Variants in INTS9 observed in about 807,000 individuals in gnomAD.
INTS9 encodes protein related to CPSF subunits of 74 kDa.
Under a neutral mutation model 79.7 loss-of-function variants are expected in INTS9, and 55 were observed. That is an observed-to-expected ratio of 0.69 (90% CI 0.56 to 0.86). INTS9 has a LOEUF of 0.86. INTS9 is among the 40% of genes least tolerant of loss of function. The pLI, the probability that INTS9 is intolerant of heterozygous loss-of-function variation, is 0.00. For missense variants in INTS9, 721 were observed against 831.5 expected, an observed-to-expected ratio of 0.87 and a Z score of 1.64; for synonymous variants, 319 against 325.2, an observed-to-expected ratio of 0.98 and a Z score of 0.20.
chr8:28,775,846 G>A lies in INTS9; in HGVS notation c.1476C>T (p.Cys492=), dbSNP rs746047822. Residue 492 remains cysteine (C), a synonymous_variant, in exon 14 of 17, where the codon TGC becomes TGT. Transcript: ENST00000521022. ...QSHRMDLMID[C]QPPAMSYRRA... ...GCCGATAGGACATGGCGGGGGGCTGGCAGTCGATCATGAGGTCCATCCTGT... is the reference window on the plus strand; with the variant it reads ...GCCGATAGGACATGGCGGGGGGCTGACAGTCGATCATGAGGTCCATCCTGT... The A allele has an allele frequency of 1.4e-5, 23 of 1,613,508 alleles. No homozygotes were observed. Among genetic ancestry groups the A allele is most frequent in the Middle Eastern group, 1.7e-4 (1 of 6,058 alleles).
chr8:28,818,400 T>C (rs1394069436), intron 6 of INTS9, among the ~76,000 whole-genome samples: 9 of 150,598 alleles, frequency 6.0e-5, no homozygotes, highest in African/African-American at 1.9e-4. Flanking sequence ...TCTGCATCTA[T>C]TGAGATAATC....
chr8:28,882,532 T>TAAAA (rs369293166), intron 1 of INTS9, among the ~76,000 whole-genome samples: 3 of 63,300 alleles, frequency 4.7e-5, no homozygotes, highest in African/African-American at 6.9e-5. Flanking sequence ...TATTAACAGC[T>TAAAA]AAAAAAAAAA....
intron 8 of INTS9, among the ~76,000 whole-genome samples, chr8:28,797,560 G>A (rs1261408690): frequency 6.6e-6 from 1 of 152,170 alleles, no homozygotes; most frequent in East Asian, 1.9e-4. Flanking sequence ...TTCTTAGGAT[G>A]CTGTGTTTTT....
intron 1 of INTS9, among the ~76,000 whole-genome samples, chr8:28,886,462 G>T (rs1264142077): frequency 6.6e-6 from 1 of 152,110 alleles, no homozygotes; most frequent in Non-Finnish European, 1.5e-5. Context: ...GCTCAGGCTG[G>T]TCTAGAACTC....
intron 14 of INTS9, among the ~76,000 whole-genome samples, chr8:28,773,582 C>T (rs1429734104): frequency 1.3e-5 from 2 of 149,368 alleles, no homozygotes; most frequent in East Asian, 2.0e-4. Flanking sequence ...GACGGAGTCT[C>T]GCTATGTTGC....
At position 28,861,500 on chromosome 8, in the gene INTS9, T is replaced by C. The variant is rs142372726; in HGVS notation, c.10-1937A>G. ...AATAAAATGAAATGTGTGTAACAGT[T>C]ATTTCTGAGTGGGAAGATTATTGTC... On this transcript the variant is annotated intron_variant, in intron 1 of 16. Transcript: ENST00000521022. Among the ~76,000 whole-genome samples, 480 of 152,366 alleles carry C rather than the reference T, an allele frequency of 3.2e-3. 1 individual carries two copies. Among genetic ancestry groups the C allele is most frequent in the African/African-American group, 0.011 (461 of 41,588 alleles).
At chr8:28,789,947 C>G (rs1277378006) in intron 10 of INTS9, among the ~76,000 whole-genome samples, 1 of 152,160 alleles carries the variant, frequency 6.6e-6, no homozygotes, top group Non-Finnish European at 1.5e-5. Flanking sequence ...TCAGAGAGGT[C>G]TTTCAAGAGC....
At position 28,820,251 on chromosome 8, in the gene INTS9, T is replaced by C. The variant is rs541268898; in HGVS notation, c.489-6639A>G. Reference sequence around the variant, plus strand: ...TGATGCAGTTTCTTCCTAGCCTTGATGGTCTTTACAATTTGGCATGATTTT... The same window carrying C: ...TGATGCAGTTTCTTCCTAGCCTTGACGGTCTTTACAATTTGGCATGATTTT... On this transcript the variant is annotated intron_variant, in intron 6 of 16. Coordinates refer to ENST00000521022, the MANE Select transcript of INTS9 (RefSeq NM_018250.4). Among the ~76,000 whole-genome samples, 814 of 152,332 alleles carry C rather than the reference T, an allele frequency of 5.3e-3. 8 individuals are homozygous for C. Among genetic ancestry groups the C allele is most frequent in the African/African-American group, 0.019 (783 of 41,560 alleles).
At chr8:28,813,130 A>G (rs1805252093) in intron 7 of INTS9, among the ~76,000 whole-genome samples, 1 of 152,124 alleles carries the variant, frequency 6.6e-6, no homozygotes. Flanking sequence ...TGGGCACAGG[A>G]TGACAGTAAG....
intron 10 of INTS9, 139 bp from the exon 11 acceptor site, chr8:28,788,028 A>T: frequency 2.0e-6 from 1 of 502,114 alleles, no homozygotes; most frequent in Middle Eastern, 3.0e-4. Flanking sequence ...CTGTGAATGA[A>T]ATCCAGTGCC....
chr8:28,845,865 A>G (rs183140067), intron 4 of INTS9, among the ~76,000 whole-genome samples: 18 of 152,328 alleles, frequency 1.2e-4, no homozygotes, highest in Admixed American at 7.2e-4. Flanking sequence ...TGGTACCCTC[A>G]AAGACACATA....
At chr8:28,845,590 A>G (rs1264879013) in intron 4 of INTS9, among the ~76,000 whole-genome samples, 1 of 152,254 alleles carries the variant, frequency 6.6e-6, no homozygotes. Context: ...CATAAATGGA[A>G]GGTTGCAGTA....
chr8:28,798,950 G>A (rs1804364658), intron 8 of INTS9, among the ~76,000 whole-genome samples: 1 of 152,184 alleles, frequency 6.6e-6, no homozygotes, highest in Non-Finnish European at 1.5e-5. Context: ...GGGTGGCAGT[G>A]CAAGACTCTC....
chr8:28,782,310 C>T (rs1803315926), intron 11 of INTS9, among the ~76,000 whole-genome samples: 1 of 152,180 alleles, frequency 6.6e-6, no homozygotes, highest in African/African-American at 2.4e-5. Flanking sequence ...GTGACTTTCC[C>T]AACACTCGTG....
chr8:28,880,854 C>CG (rs1272781369), intron 1 of INTS9, among the ~76,000 whole-genome samples: 1 of 148,498 alleles, frequency 6.7e-6, no homozygotes, highest in Admixed American at 6.7e-5. Flanking sequence ...AAGTGAGGAG[C>CG]GTCTCTGCCC....
At chr8:28,869,343 G>T (rs1316895358) in intron 1 of INTS9, among the ~76,000 whole-genome samples, 1 of 152,136 alleles carries the variant, frequency 6.6e-6, no homozygotes, top group African/African-American at 2.4e-5. Context: ...ACCATGCCCA[G>T]CCTAAATGTT....
chr8:28,879,261 G>A (rs984047970), intron 1 of INTS9, among the ~76,000 whole-genome samples: 7 of 151,776 alleles, frequency 4.6e-5, no homozygotes, highest in African/African-American at 1.7e-4. Context: ...AGGAATGCAA[G>A]TCTGGTTTAA....
chr8:28,801,458 C>T (rs1000470992), intron 8 of INTS9, among the ~76,000 whole-genome samples: 30 of 151,770 alleles, frequency 2.0e-4, no homozygotes, highest in Non-Finnish European at 2.9e-4. Context: ...CCCTTGCCCT[C>T]CAGCCTGAGT....
At chr8:28,817,707 T>G in intron 6 of INTS9, among the ~76,000 whole-genome samples, 1 of 147,970 alleles carries the variant, frequency 6.8e-6, no homozygotes, top group East Asian at 2.2e-4. Flanking sequence ...CATTGGTAGC[T>G]TGATGGGGAT....
Sources: allele counts gnomAD v4.1 joint callset (sites outside exome capture counted in the v4.1 genomes callset), GRCh38; gene constraint gnomAD v4.1.1; transcripts MANE v1.5; gene names NCBI Gene and HGNC (gene_info 2026-07-23, HGNC 2026-07-21).